PEG3: variants seen among roughly 807,000 people sequenced by gnomAD.
The protein encoded by PEG3 is paternally-expressed gene 3 protein.
In PEG3, 23 loss-of-function variants were observed where a neutral mutation model predicts 35.5. The ratio of observed to expected loss-of-function variants is 0.65; its 90% CI spans 0.47 to 0.92. PEG3 has a LOEUF of 0.92. PEG3 is among the 40% of genes least tolerant of loss of function. The pLI is 0.00. For synonymous variants in PEG3, 707 were observed against 697.0 expected, an observed-to-expected ratio of 1.01 and a Z score of -0.23; for missense variants, 1,960 against 1,985.3, an observed-to-expected ratio of 0.99 and a Z score of 0.24.
intron 2 of PEG3, among the ~76,000 whole-genome samples, chr19:56,828,902 C>T (rs1444662293): frequency 2.6e-5 from 4 of 152,086 alleles, no homozygotes; most frequent in Non-Finnish European, 5.9e-5. Flanking sequence ...TGTAGAGAAG[C>T]TAGCTGGTGC....
chr19:56,822,776 G>C lies in PEG3; in HGVS notation c.542C>G (p.Ser181Cys). The C allele has an allele frequency of 6.2e-7, 1 of 1,614,104 alleles. No individual in the cohort carries two copies. Among genetic ancestry groups the C allele is most frequent in the Non-Finnish European group, 8.5e-7 (1 of 1,180,016 alleles). ...SRDMEPRDRWSHTRNPRSRMP... is the reference protein window; with the variant it reads ...SRDMEPRDRWCHTRNPRSRMP... The stretch of plus-strand genomic sequence containing the variant: ...ACTGCTTCTTGGGTTCCTGGTGTGG[G>C]ACCAGCGGTCTCGTGGCTCCATGTC... Residue 181 changes from serine (S) to cysteine (C), a missense_variant, in exon 6 of 10, where the codon TCC becomes TGC. This residue lies in a region of PEG3 where 613 missense variants were observed against 577.1 expected (regional missense o/e 1.06). Coordinates refer to ENST00000326441, the MANE Select transcript of PEG3 (RefSeq NM_006210.3).
chr19:56,810,772 G>C lies in PEG3; in HGVS notation c.*2903C>G. ...AGCGTGTGCACTGAAACAAGATAGAGGAAACAGATCAAGATGTTAGCAGTA... is the reference window on the plus strand; with the variant it reads ...AGCGTGTGCACTGAAACAAGATAGACGAAACAGATCAAGATGTTAGCAGTA... On this transcript the variant is annotated 3_prime_UTR_variant, in exon 10 of 10. Transcript: ENST00000326441. The C allele has an allele frequency of 1.0e-6, 1 of 981,390 alleles. No individual in the cohort carries two copies. The highest frequency in any genetic ancestry group is 1.2e-6 in the Non-Finnish European group (1 of 826,360). 60.8% of individuals were successfully genotyped at this position (981,390 alleles called of 1,614,324 possible).
At position 56,814,695 on chromosome 19, in the gene PEG3, T is replaced by C. The variant is rs1377417303; in HGVS notation, c.3747A>G (p.Glu1249=). The C allele has an allele frequency of 6.2e-7, 1 of 1,613,922 alleles. No individual in the cohort carries two copies. The highest frequency in any genetic ancestry group is 1.3e-5 in the African/African-American group (1 of 74,920). Residue 1249 remains glutamate, a synonymous_variant, in exon 10 of 10, where the codon GAA becomes GAG. Coordinates refer to ENST00000326441, the MANE Select transcript of PEG3 (RefSeq NM_006210.3). The surrounding 1 kb of genome is among the most constrained non-coding windows in gnomAD (Gnocchi z 5.8). ...TCTGGCTCTGCTCCAGTAAATCATC[T>C]TCCCTATGAAGTCTCATATGCTCAT... ...ALNEHMRLHR[E]DDLLEQSQMA...
chr19:56,823,612 A>C lies in PEG3; in HGVS notation c.462T>G (p.Pro154=). The change falls in exon 5 of 10, where the codon CCT becomes CCG. Residue 154 remains proline (P), a synonymous_variant. Coordinates refer to ENST00000326441, the MANE Select transcript of PEG3 (RefSeq NM_006210.3). ...CACCACTGAAAGAATGGACTGAGTG[A>C]GGTGGTGAGGACTCTCTTCTGTTCC... ...MTRNRRESSP[P]HSVHSFSDRD... is the part of the protein sequence containing the mutation. 1 of 1,614,076 alleles carries C rather than the reference A, an allele frequency of 6.2e-7. No homozygotes were observed. Among genetic ancestry groups the C allele is most frequent in the East Asian group, 2.2e-5 (1 of 44,858 alleles).
At chr19:56,818,850 T>C (rs916171019) in intron 7 of PEG3, 148 bp from the exon 8 acceptor site, 2 of 891,002 alleles carry the variant, frequency 2.2e-6, no homozygotes, top group Admixed American at 2.3e-5. Flanking sequence ...AAGTCAAGTG[T>C]TACTAGGGAC....
In PEG3 at chr19:56,822,359, A is replaced by G. The variant is rs554699608; in HGVS notation, c.565+394T>C. The G allele has an allele frequency of 3.6e-5, 7 of 192,674 alleles. No homozygotes were observed. The East Asian group carries it at 1.0e-3, about 28-fold the overall frequency. The allele number at this position is 192,674 out of a possible 1,614,324, so 11.9% of individuals were successfully genotyped here. On this transcript the variant is annotated intron_variant, in intron 6 of 9. Transcript: ENST00000326441. Reference sequence around the variant, plus strand: ...TGCTCAGATGTGGCACTTCCCTAACACTGCAGGAAGTCATGGCAGACATTC... The same window carrying G: ...TGCTCAGATGTGGCACTTCCCTAACGCTGCAGGAAGTCATGGCAGACATTC...
chr19:56,822,883 C>A (rs1477858616), intron 5 of PEG3, 47 bp from the exon 6 acceptor site: 3 of 1,585,374 alleles, frequency 1.9e-6, no homozygotes, highest in Non-Finnish European at 2.6e-6. Flanking sequence ...CTTTGACACA[C>A]CTGTTTTCCC....
In PEG3 at chr19:56,811,544, G is replaced by A. The variant is rs944015664; in HGVS notation, c.*2131C>T. On this transcript the variant is annotated 3_prime_UTR_variant, in exon 10 of 10. Transcript: ENST00000326441. Reference sequence around the variant, plus strand: ...ATTTGTTACTACCTTTTCACTAGCTGAAGGTTGGAACGGACACCCTGACTT... The same window carrying A: ...ATTTGTTACTACCTTTTCACTAGCTAAAGGTTGGAACGGACACCCTGACTT... 2.4e-5 allele frequency: 24 copies of A among 985,282 alleles called. No individual in the cohort carries two copies. The highest frequency in any genetic ancestry group is 2.9e-5 in the Non-Finnish European group (24 of 829,858). The allele number at this position is 985,282 out of a possible 1,614,324, so 61.0% of individuals were successfully genotyped here.
intron 7 of PEG3, among the ~76,000 whole-genome samples, chr19:56,820,226 A>C (rs1021057827): frequency 2.6e-5 from 4 of 152,266 alleles, no homozygotes; most frequent in East Asian, 1.9e-4. Context: ...AACATGATCT[A>C]TACATGTGAA....
intron 7 of PEG3, among the ~76,000 whole-genome samples, chr19:56,820,972 CCT>C (rs1290064327): frequency 6.6e-6 from 1 of 152,206 alleles, no homozygotes; most frequent in Non-Finnish European, 1.5e-5. Flanking sequence ...ATAAGTGACC[CCT>C]CTCCTCCTTC....
At position 56,810,116 on chromosome 19, in the gene PEG3, T is replaced by G. The variant is rs942329674; in HGVS notation, c.*3559A>C. 6.3e-5 allele frequency: 60 copies of G among 952,518 alleles called. No homozygotes were observed. Among genetic ancestry groups the G allele is most frequent in the Non-Finnish European group, 7.4e-5 (59 of 800,082 alleles). 59.0% of individuals were successfully genotyped at this position (952,518 alleles called of 1,614,324 possible). On this transcript the variant is annotated 3_prime_UTR_variant, in exon 10 of 10. Coordinates refer to ENST00000326441, the MANE Select transcript of PEG3 (RefSeq NM_006210.3). ...AACTTTATTTTTATTGTTGACACTA[T>G]TACAGATAGAATGACCACAACCATA...
Position 56,813,691 on chromosome 19 carries a change from T to C in PEG3, c.4751A>G (p.Asn1584Ser). The C allele has an allele frequency of 6.2e-7, 1 of 1,613,258 alleles. No individual in the cohort carries two copies. The highest frequency in any genetic ancestry group is 1.1e-5 in the South Asian group (1 of 91,064). ...NDRLSLARHQ[N>S]THTG ...CCCATGCCCTCAGCCAGTGTGGGTA[T>C]TCTGGTGTCTGGCGAGGGACAGGCG... The change falls in exon 10 of 10, where the codon AAT becomes AGT. Residue 1584 changes from asparagine (N) to serine (S), a missense_variant. Asn to Ser is a conservative substitution (Grantham distance 46, BLOSUM62 1). This residue lies in a region of PEG3 where 416 missense variants were observed against 416.7 expected (regional missense o/e 1.00). Transcript: ENST00000326441.
intron 7 of PEG3, among the ~76,000 whole-genome samples, chr19:56,819,162 T>C (rs188122329): frequency 1.3e-5 from 2 of 152,086 alleles, no homozygotes; most frequent in East Asian, 3.9e-4. Flanking sequence ...AGACTAAATA[T>C]CAAACAGGCA....
chr19:56,824,521 A>G lies in PEG3; in HGVS notation c.135T>C (p.Phe45=). The G allele has an allele frequency of 6.2e-7, 1 of 1,614,158 alleles. No individual in the cohort carries two copies. Among genetic ancestry groups the G allele is most frequent in the Non-Finnish European group, 8.5e-7 (1 of 1,180,030 alleles). ...AGATTAGGTTCCGAAACCTCTGATG[A>G]AAAAACTCAGAGTCAGTTGGACCTT... is the stretch of plus-strand genomic sequence containing the variant. ...IGEGPTDSEF[F]HQRFRNLIYV... Residue 45 remains phenylalanine (F), a synonymous_variant, in exon 4 of 10, where the codon TTT becomes TTC. Coordinates refer to ENST00000326441, the MANE Select transcript of PEG3 (RefSeq NM_006210.3).
intron 3 of PEG3, 87 bp from the exon 4 acceptor site, chr19:56,824,828 G>A: frequency 1.6e-6 from 1 of 620,228 alleles, no homozygotes; most frequent in Non-Finnish European, 2.8e-6. Context: ...CATCGACAAT[G>A]CTTTTGGGAT....
At chr19:56,823,772 C>T in intron 4 of PEG3, 93 bp from the exon 5 acceptor site, 1 of 1,424,684 alleles carries the variant, frequency 7.0e-7, no homozygotes, top group Non-Finnish European at 9.9e-7. Flanking sequence ...CTGTCACAGA[C>T]ACACATGGTT....
rs34297427 is a variant in PEG3 at position 56,812,418 on chromosome 19, A to ATTT, written c.*1254_*1256dup. 3 of 851,842 alleles carry ATTT rather than the reference A, an allele frequency of 3.5e-6. No individual in the cohort carries two copies. The highest frequency in any genetic ancestry group is 2.8e-6 in the Non-Finnish European group (2 of 710,128). 52.8% of individuals were successfully genotyped at this position (851,842 alleles called of 1,614,324 possible). A position where few individuals can be genotyped will look rare whatever the true frequency, so the allele number is the denominator to read the frequency against. Reference sequence around the variant, plus strand: ...GTTAAGCTTGGGTTGACTGTAAAGAATTTTTTTTTTTTTAATGCAAGTTAG... The same window carrying ATTT: ...GTTAAGCTTGGGTTGACTGTAAAGAATTTTTTTTTTTTTTTTAATGCAAGTTAG... On this transcript the variant is annotated 3_prime_UTR_variant, in exon 10 of 10. Coordinates refer to ENST00000326441, the MANE Select transcript of PEG3 (RefSeq NM_006210.3).
chr19:56,815,105 C>T lies in PEG3; in HGVS notation c.3337G>A (p.Gly1113Ser), dbSNP rs771243590. ...DDKIYECEDC[G>S]LGFVDLTDLT... ...TCTGTGAGATCCACAAAGCCCAGGC[C>T]ACAGTCCTCACATTCATAGATTTTG... Residue 1113 changes from glycine to serine, a missense_variant, in exon 10 of 10, where the codon GGC becomes AGC. Physicochemically the swap from Gly to Ser is moderately conservative, Grantham distance 56 (BLOSUM62 0). Transcript: ENST00000326441. 2 of 1,613,730 alleles carry T rather than the reference C, an allele frequency of 1.2e-6. No homozygotes were observed. The highest frequency in any genetic ancestry group is 2.2e-5 in the East Asian group (1 of 44,854).
intron 2 of PEG3, among the ~76,000 whole-genome samples, chr19:56,829,343 CAA>C (rs35948458): frequency 1.2e-4 from 10 of 86,606 alleles, no homozygotes; most frequent in Non-Finnish European, 9.2e-5. Context: ...GACTCCATCT[CAA>C]AAAAAAAAAA....
Sources: allele counts gnomAD v4.1 joint callset (sites outside exome capture counted in the v4.1 genomes callset), GRCh38; gene constraint gnomAD v4.1.1; regional missense constraint gnomAD v4.1.1; non-coding constraint Gnocchi (gnomAD v3.1); transcripts MANE v1.5; gene names NCBI Gene and HGNC (gene_info 2026-07-23, HGNC 2026-07-21).